CST11: variants seen among roughly 807,000 people sequenced by gnomAD.
CST11 encodes cystatin 11.
A neutral mutation model predicts 14.0 loss-of-function variants in CST11; 13 were observed. That is an observed-to-expected ratio of 0.93 (90% CI 0.60 to 1.47). CST11 has a LOEUF of 1.47. CST11 is among the 40% of genes most tolerant of loss of function. CST11 has a pLI of 0.00. For missense variants in CST11, 181 were observed against 160.0 expected (o/e 1.13, Z -0.71); for synonymous variants, 64 against 57.8 (o/e 1.11, Z -0.48).
At chr20:23,452,492 G>C (rs1293180467) in intron 1 of CST11, 92 bp downstream of exon 1, 1 of 816,858 alleles carries the variant, frequency 1.2e-6, no homozygotes, top group Non-Finnish European at 2.2e-6. Flanking sequence ...AAGCAAGGTT[G>C]AATTTCCCTT....
At chr20:23,450,769 C>A (rs566649147) in intron 2 of CST11, among the ~76,000 whole-genome samples, 180 bp from the exon 3 acceptor site, 1 of 152,142 alleles carries the variant, frequency 6.6e-6, no homozygotes. Context: ...TACTATCAAG[C>A]GGCTGAAATC....
chr20:23,451,899 G>C lies in CST11; in HGVS notation c.250C>G (p.His84Asp). ...GTCCACTGCATTTCCACATTCAGGT[G>C]ATACTCCAGGTGGTCAGTGACCTGT... The part of the protein sequence containing the change: ...QRQVTDHLEY[H>D]LNVEMQWTTC... The change falls in exon 2 of 3, where the codon CAC becomes GAC. Residue 84 changes from histidine (H) to aspartate (D), a missense_variant. His to Asp is a moderately conservative substitution (Grantham distance 81). Coordinates refer to ENST00000377009, the MANE Select transcript of CST11 (RefSeq NM_130794.2). 5 of 1,613,874 alleles carry C rather than the reference G, an allele frequency of 3.1e-6. No individual in the cohort carries two copies. Among genetic ancestry groups the C allele is most frequent in the Non-Finnish European group, 4.2e-6 (5 of 1,179,820 alleles).
rs1252866045 is a variant in CST11 at position 23,450,582 on chromosome 20, T to G, written c.341A>C (p.Asn114Thr). The change falls in exon 3 of 3, where the codon AAC (asparagine) becomes ACC (threonine). Residue 114 changes from asparagine to threonine, a missense_variant. By Grantham distance (65) the Asn-to-Thr change is moderately conservative (BLOSUM62 0). Coordinates refer to ENST00000377009, the MANE Select transcript of CST11 (RefSeq NM_130794.2). ...TACAGCAAACACTGAGAAGAAGCAG[T>G]TGACTTGCTAAAACAAAAAACAAAG... ...PQERELHKQV[N>T]CFFSVFAVPW... The G allele has an allele frequency of 6.2e-7, 1 of 1,607,072 alleles. No homozygotes were observed. Among genetic ancestry groups the G allele is most frequent in the Non-Finnish European group, 8.5e-7 (1 of 1,175,456 alleles).
In CST11 at chr20:23,452,254, G is replaced by T. The variant is rs2249239; in HGVS notation, c.228+330C>A. Among the ~76,000 whole-genome samples the T allele has an allele frequency of 1.4e-4, 22 of 152,066 alleles. No individual in the cohort carries two copies. The South Asian group carries it at 1.9e-3, about 13-fold the overall frequency. ...ACGTTTTATTGGCCATGTGGTCTCT[G>T]TAACTACTCAGTTCGGCATGAGTGT... is the stretch of plus-strand genomic sequence containing the variant. On this transcript the variant is annotated intron_variant, in intron 1 of 2. Coordinates refer to ENST00000377009, the MANE Select transcript of CST11 (RefSeq NM_130794.2).
Position 23,450,508 on chromosome 20 carries a change from A to C in CST11, c.415T>G (p.Ter139GluextTer20). ...CGCAGTTGTACACTCCAGGACACCT[A>C]GTCACTGCTGCAGCTTTTGTTCAAA... The part of the protein sequence containing the change: ...KILNKSCSSD[*>E] Residue 139 changes from the stop codon to glutamate, a stop_lost, in exon 3 of 3, where the codon TAG (stop) becomes GAG (glutamate). Transcript: ENST00000377009. The C allele has an allele frequency of 6.2e-7, 1 of 1,609,674 alleles. No individual in the cohort carries two copies.
intron 2 of CST11, among the ~76,000 whole-genome samples, chr20:23,450,970 A>G (rs1404539046): frequency 1.3e-5 from 2 of 151,396 alleles, no homozygotes; most frequent in South Asian, 4.2e-4. Flanking sequence ...TTATCCCTCC[A>G]TTCATCTACC....
At chr20:23,450,644 G>A in intron 2 of CST11, 55 bp from the exon 3 acceptor site, 3 of 1,358,344 alleles carry the variant, frequency 2.2e-6, no homozygotes, top group Non-Finnish European at 3.1e-6. Flanking sequence ...AATTTAAAAG[G>A]AGAAGGAAGA....
chr20:23,451,075 C>T (rs551353019), intron 2 of CST11, among the ~76,000 whole-genome samples: 4 of 152,162 alleles, frequency 2.6e-5, no homozygotes, highest in Non-Finnish European at 5.9e-5. Flanking sequence ...ACCCATTCAT[C>T]CATCCTTCCA....
intron 1 of CST11, among the ~76,000 whole-genome samples, 193 bp downstream of exon 1, chr20:23,452,391 C>G (rs1600276698): frequency 6.6e-6 from 1 of 152,292 alleles, no homozygotes; most frequent in South Asian, 2.1e-4. Flanking sequence ...ATGTAATGTG[C>G]TGAGGATCCC....
At chr20:23,450,630 G>T (rs761006423) in intron 2 of CST11, 41 bp from the exon 3 acceptor site, 5 of 1,512,128 alleles carry the variant, frequency 3.3e-6, no homozygotes, top group Admixed American at 1.8e-5. Context: ...AAGACGCCAG[G>T]TGAAATTTAA....
chr20:23,451,985 C>A (rs999911545), intron 1 of CST11, 65 bp from the exon 2 acceptor site: 4 of 1,250,620 alleles, frequency 3.2e-6, no homozygotes, highest in Non-Finnish European at 4.7e-6. Context: ...GGTTTCTGTG[C>A]CTGGGGGCTC....
In CST11 at chr20:23,450,596, C is replaced by G; in HGVS notation, c.334-7G>C. 6.3e-7 allele frequency: 1 copy of G among 1,598,108 alleles called. No homozygotes were observed. Among genetic ancestry groups the G allele is most frequent in the Non-Finnish European group, 8.6e-7 (1 of 1,168,946 alleles). Reference sequence around the variant, plus strand: ...AGAAGAAGCAGTTGACTTGCTAAAACAAAAAACAAAGGCAATATTTTAAAA... The same window carrying G: ...AGAAGAAGCAGTTGACTTGCTAAAAGAAAAAACAAAGGCAATATTTTAAAA... On this transcript the variant is annotated splice_region_variant and splice_polypyrimidine_tract_variant and intron_variant, in intron 2 of 2. Transcript: ENST00000377009.
rs199961715 is a variant in CST11, at chr20:23,450,484, G to A, written c.*22C>T. ...CAGGATTCTCTCACATGCAGTGGCCGCAGTTGTACACTCCAGGACACCTAG... is the reference window on the plus strand; with the variant it reads ...CAGGATTCTCTCACATGCAGTGGCCACAGTTGTACACTCCAGGACACCTAG... On this transcript the variant is annotated 3_prime_UTR_variant, in exon 3 of 3. Coordinates refer to ENST00000377009, the MANE Select transcript of CST11 (RefSeq NM_130794.2). 146 of 1,528,504 alleles carry A rather than the reference G, an allele frequency of 9.6e-5. No individual in the cohort carries two copies. The highest frequency in any genetic ancestry group is 5.7e-4 in the African/African-American group (42 of 73,162). 94.7% of individuals were successfully genotyped at this position (1,528,504 alleles called of 1,614,324 possible). A position where few individuals can be genotyped will look rare whatever the true frequency, so the allele number is the denominator to read the frequency against.
chr20:23,451,546 C>T (rs1004797504), intron 2 of CST11, among the ~76,000 whole-genome samples: 6 of 152,188 alleles, frequency 3.9e-5, no homozygotes, highest in Non-Finnish European at 8.8e-5. Flanking sequence ...CTGCTTCCCT[C>T]GCCCCAGAGT....
chr20:23,451,740 C>A, intron 2 of CST11, 76 bp downstream of exon 2: 1 of 1,059,024 alleles, frequency 9.4e-7, no homozygotes, highest in Non-Finnish European at 1.4e-6. Context: ...TTAATTCTTC[C>A]CAACTCATTC....
rs763357068 is a variant in CST11, at chr20:23,452,833, G to C, written c.-22C>G. The stretch of plus-strand genomic sequence containing the variant: ...TCATCCTTCAGCTGCAGAGGAACAG[G>C]AAGAGTGTTCTCTGTACTCCTCAGG... On this transcript the variant is annotated 5_prime_UTR_variant, in exon 1 of 3. Coordinates refer to ENST00000377009, the MANE Select transcript of CST11 (RefSeq NM_130794.2). The C allele has an allele frequency of 5.7e-6, 9 of 1,578,464 alleles. No individual in the cohort carries two copies. The South Asian group carries it at 6.7e-5, about 12-fold the overall frequency.
Position 23,450,518 on chromosome 20 carries a change from G to T in CST11, c.405C>A (p.Cys135Ter). 6.2e-7 allele frequency: 1 copy of T among 1,611,436 alleles called. No individual in the cohort carries two copies. Among genetic ancestry groups the T allele is most frequent in the South Asian group, 1.1e-5 (1 of 90,888 alleles). ...FEQYKILNKS[C>*]SSD ...CACTCCAGGACACCTAGTCACTGCT[G>T]CAGCTTTTGTTCAAAATTTTGTACT... Residue 135 changes from cysteine to a stop codon, truncating the protein, a stop_gained, in exon 3 of 3, where the codon TGC becomes TGA. Coordinates refer to ENST00000377009, the MANE Select transcript of CST11 (RefSeq NM_130794.2). LOFTEE classifies it high-confidence loss of function.
At chr20:23,452,347 C>G (rs1987117060) in intron 1 of CST11, among the ~76,000 whole-genome samples, 1 of 152,198 alleles carries the variant, frequency 6.6e-6, no homozygotes, top group Non-Finnish European at 1.5e-5. Flanking sequence ...ACACGACTTA[C>G]AAAAGTGGGC....
chr20:23,451,942 G>C, intron 1 of CST11, 22 bp from the exon 2 acceptor site: 1 of 1,568,254 alleles, frequency 6.4e-7, no homozygotes, highest in Non-Finnish European at 8.8e-7. Context: ...AGGCGTGGGG[G>C]AGGCACAGCT....
Sources: gnomAD v4.1 joint callset for allele counts (sites outside exome capture counted in the v4.1 genomes callset) on GRCh38, gnomAD v4.1.1 for gene constraint, MANE v1.5 for transcripts, NCBI Gene and HGNC (gene_info 2026-07-23, HGNC 2026-07-21) for gene names.